The following ESRRG variants were observed in gnomAD, a reference collection of about 807,000 sequenced individuals.
The protein encoded by ESRRG is estrogen related receptor gamma.
A neutral mutation model predicts 44.0 loss-of-function variants in ESRRG; 13 were observed. That is an observed-to-expected ratio of 0.30 (90% CI 0.19 to 0.47). The LOEUF is 0.47. Among genes scored for constraint, ESRRG ranks in the 20% least tolerant of loss-of-function variants. The probability of loss-of-function intolerance (pLI) is 1.00; values close to 1 mark genes in which losing one functional copy is unlikely to be tolerated. For synonymous variants in ESRRG, 215 were observed against 214.6 expected (o/e 1.00, Z -0.02); for missense variants, 395 against 580.6 (o/e 0.68, Z 3.29).
chr1:216,914,639 G>A (rs141616068), intron 2 of ESRRG, among the ~76,000 whole-genome samples: 13 of 152,200 alleles, frequency 8.5e-5, no homozygotes, highest in Non-Finnish European at 1.3e-4. Context: ...AATAGTGCCA[G>A]TGGTTTGATC....
chr1:216,915,591 C>CAAAA (rs1220394505), intron 2 of ESRRG, among the ~76,000 whole-genome samples: 1 of 152,072 alleles, frequency 6.6e-6, no homozygotes, highest in Non-Finnish European at 1.5e-5. Context: ...AACAAACAAA[C>CAAAA]AAACAAACAA....
At chr1:217,117,212 T>C (rs906556042) in intron 1 of ESRRG, among the ~76,000 whole-genome samples, 1 of 152,168 alleles carries the variant, frequency 6.6e-6, no homozygotes, top group South Asian at 2.1e-4. Context: ...CTTAGTTATA[T>C]GTAAGATGAA....
intron 1 of ESRRG, among the ~76,000 whole-genome samples, chr1:217,081,645 A>G (rs969065042): frequency 3.3e-5 from 5 of 151,672 alleles, no homozygotes; most frequent in Admixed American, 2.6e-4. Flanking sequence ...GAGCCTTGCT[A>G]TGTTGCCCAG....
intron 2 of ESRRG, among the ~76,000 whole-genome samples, chr1:216,921,944 T>G (rs745778147): frequency 6.6e-6 from 1 of 152,214 alleles, no homozygotes; most frequent in Non-Finnish European, 1.5e-5. Flanking sequence ...AAAACCTTAA[T>G]AATGACAGCT....
chr1:216,688,835 G>C (rs996283038), intron 1 of ESRRG, among the ~76,000 whole-genome samples: 2 of 152,130 alleles, frequency 1.3e-5, no homozygotes, highest in Admixed American at 6.5e-5. Context: ...ACAGAGAAAA[G>C]CTGAAATTGT....
intron 2 of ESRRG, among the ~76,000 whole-genome samples, chr1:216,763,592 G>A (rs987147893): frequency 1.3e-5 from 2 of 152,094 alleles, no homozygotes; most frequent in Non-Finnish European, 2.9e-5. Flanking sequence ...GGCTAAAGTC[G>A]ATTATTACCT....
At chr1:216,569,357 GA>G (rs898278191) in intron 3 of ESRRG, among the ~76,000 whole-genome samples, 6 of 152,186 alleles carry the variant, frequency 3.9e-5, no homozygotes, top group Admixed American at 6.5e-5. Flanking sequence ...GAATGTTAAA[GA>G]GGGCTAAAGG....
At chr1:216,988,357 A>C (rs1381360895) in intron 1 of ESRRG, among the ~76,000 whole-genome samples, 1 of 152,216 alleles carries the variant, frequency 6.6e-6, no homozygotes, top group Admixed American at 6.5e-5. Context: ...GATTACCTGT[A>C]AAAGACTATT....
intron 1 of ESRRG, among the ~76,000 whole-genome samples, chr1:216,709,142 C>T (rs1034239912): frequency 2.0e-5 from 3 of 151,948 alleles, no homozygotes; most frequent in Admixed American, 6.6e-5. Context: ...TGCAGCAAAC[C>T]ACCATGGCTC....
chr1:216,965,762 G>A (rs571246125), intron 1 of ESRRG, among the ~76,000 whole-genome samples: 2 of 152,308 alleles, frequency 1.3e-5, no homozygotes, highest in African/African-American at 2.4e-5. Context: ...GGAAAGAGCT[G>A]GGAGTAGGAA....
chr1:216,811,341 T>C (rs1056746742), intron 2 of ESRRG, among the ~76,000 whole-genome samples: 1 of 152,224 alleles, frequency 6.6e-6, no homozygotes, highest in Non-Finnish European at 1.5e-5. Context: ...AGCACACTAA[T>C]CTTAGTTTGG....
At chr1:216,544,375 T>A (rs1003603182) in intron 5 of ESRRG, among the ~76,000 whole-genome samples, 1 of 152,034 alleles carries the variant, frequency 6.6e-6, no homozygotes, top group African/African-American at 2.4e-5. Flanking sequence ...TATTACATAC[T>A]ATTTAATTTT....
At chr1:217,129,400 G>A (rs1442752711) in intron 1 of ESRRG, among the ~76,000 whole-genome samples, 1 of 152,172 alleles carries the variant, frequency 6.6e-6, no homozygotes, top group Non-Finnish European at 1.5e-5. Context: ...GTAAAATTAT[G>A]TAGCTGCTGT....
At chr1:216,915,791 C>T (rs989799393) in intron 2 of ESRRG, among the ~76,000 whole-genome samples, 2 of 152,164 alleles carry the variant, frequency 1.3e-5, no homozygotes, top group African/African-American at 4.8e-5. Context: ...AAATCAGGAG[C>T]TTGCTGTGTG....
chr1:217,114,996 G>A lies in ESRRG; in HGVS notation c.-230+22671C>T, dbSNP rs551056750. Among the ~76,000 whole-genome samples, 5 of 152,230 alleles carry A rather than the reference G, an allele frequency of 3.3e-5. 1 individual carries two copies. The highest frequency in any genetic ancestry group is 1.2e-4 in the African/African-American group (5 of 41,524). ...TCTAGTTAACAGTGTCTTCTCTCTGGAGGGATCTGCTTTGTGTAGGGAAGA... is the reference window on the plus strand; with the variant it reads ...TCTAGTTAACAGTGTCTTCTCTCTGAAGGGATCTGCTTTGTGTAGGGAAGA... On this transcript the variant is annotated intron_variant, in intron 1 of 8. Coordinates refer to the ESRRG transcript ENST00000366940.
At chr1:217,121,488 C>T (rs2102499222) in intron 1 of ESRRG, among the ~76,000 whole-genome samples, 1 of 152,196 alleles carries the variant, frequency 6.6e-6, no homozygotes. Context: ...AGTTAGGTGG[C>T]CATCCTACAA....
chr1:217,066,109 G>T (rs375175816), intron 1 of ESRRG, among the ~76,000 whole-genome samples: 11 of 152,156 alleles, frequency 7.2e-5, no homozygotes, highest in African/African-American at 2.7e-4. Flanking sequence ...CGTGGCTATC[G>T]CTACTGTTGT....
At chr1:216,949,181 C>T (rs2066555071) in intron 1 of ESRRG, among the ~76,000 whole-genome samples, 2 of 152,206 alleles carry the variant, frequency 1.3e-5, no homozygotes, top group African/African-American at 4.8e-5. Flanking sequence ...CCAGCTCCCT[C>T]CTTCTGGATT....
chr1:216,582,739 G>A (rs2063034681), intron 3 of ESRRG, among the ~76,000 whole-genome samples: 1 of 152,164 alleles, frequency 6.6e-6, no homozygotes, highest in Non-Finnish European at 1.5e-5. Flanking sequence ...CTGATAACTA[G>A]CTGACAAAGA....
Sources: gnomAD v4.1 joint callset for allele counts (sites outside exome capture counted in the v4.1 genomes callset) on GRCh38, gnomAD v4.1.1 for gene constraint, MANE v1.5 for transcripts, NCBI Gene and HGNC (gene_info 2026-07-23, HGNC 2026-07-21) for gene names.